Variants in COL4A6 observed in about 807,000 individuals in gnomAD.
COL4A6 encodes the protein collagen alpha-6(IV) chain.
COL4A6 carries 59 observed loss-of-function variants against 126.7 expected under a neutral mutation model. The observed-to-expected ratio is 0.47, with a 90% CI of 0.38 to 0.58. The LOEUF (loss-of-function observed/expected upper bound fraction) is 0.58. Ranked by LOEUF, COL4A6 falls within the 20% of genes least tolerant of loss-of-function variation. The pLI is 0.00. For synonymous variants in COL4A6, 547 were observed against 496.6 expected, an observed-to-expected ratio of 1.10 and a Z score of -1.35; for missense variants, 1,285 against 1,337.3, an observed-to-expected ratio of 0.96 and a Z score of 0.61.
At chrX:108,279,002 C>T (rs1333049433) in intron 3 of COL4A6, among the ~76,000 whole-genome samples, 9 of 111,557 alleles carry the variant, frequency 8.1e-5, no homozygotes, top group East Asian at 2.8e-4. Flanking sequence ...GCACTAAACA[C>T]GGAAAGGAAC....
chrX:108,277,570 C>A (rs1255433408), intron 3 of COL4A6, among the ~76,000 whole-genome samples: 2 of 112,455 alleles, frequency 1.8e-5, no homozygotes, highest in Admixed American at 9.3e-5. Flanking sequence ...AGGGCACAAA[C>A]AAACAAAAAG....
At chrX:108,254,937 A>T (rs1226378192) in intron 3 of COL4A6, among the ~76,000 whole-genome samples, 1 of 109,287 alleles carries the variant, frequency 9.2e-6, no homozygotes, top group Non-Finnish European at 1.9e-5. Context: ...TATTTACTTA[A>T]CCTTATCTGG....
intron 3 of COL4A6, among the ~76,000 whole-genome samples, chrX:108,230,376 G>T (rs1471977247): frequency 1.8e-5 from 2 of 111,965 alleles, no homozygotes; most frequent in African/African-American, 6.5e-5. Context: ...GGAGCAAAAT[G>T]GAATTAAAAG....
In COL4A6 at chrX:108,160,467, G is replaced by A. The variant is rs1258217409; in HGVS notation, c.4521C>T (p.Asp1507=). 8.4e-7 allele frequency: 1 copy of A among 1,196,828 alleles called. No individual in the cohort carries two copies. The highest frequency in any genetic ancestry group is 2.2e-5 in the Admixed American group (1 of 44,675). Residue 1507 remains aspartate (D), a synonymous_variant, in exon 43 of 45, where the codon GAC becomes GAT. Coordinates refer to ENST00000334504, the MANE Select transcript of COL4A6 (RefSeq NM_033641.4). ...GCTGTCAGAGCTGGTACCTACCCAG[G>A]TCCTGGTTGTGGGCTTTCTCTTGCC... ...VEGQEKAHNQ[D]LGFAGSCLPR... is the part of the protein sequence containing the mutation.
At chrX:108,343,498 C>T (rs2148012061) in intron 2 of COL4A6, among the ~76,000 whole-genome samples, 1 of 110,207 alleles carries the variant, frequency 9.1e-6, no homozygotes, top group Admixed American at 9.7e-5. Context: ...ATAAACATTA[C>T]TAAACAAGAA....
intron 3 of COL4A6, among the ~76,000 whole-genome samples, chrX:108,223,625 G>A (rs1438674434): frequency 9.0e-6 from 1 of 111,567 alleles, no homozygotes; most frequent in Non-Finnish European, 1.9e-5. Context: ...CAGAAAAGTC[G>A]AAGTCGTGAT....
chrX:108,221,328 C>G lies in COL4A6; in HGVS notation c.191G>C (p.Gly64Ala), dbSNP rs140068204. 1.9e-4 allele frequency: 231 copies of G among 1,210,199 alleles called. No homozygotes were observed. The highest frequency in any genetic ancestry group is 2.5e-4 in the Non-Finnish European group (223 of 895,130). ...CGATAAACCAGTAGAGCCAGTGAAT[C>G]CTTGAGGACCTGTTGGGCCTTGAAT... ...IGIQGPTGPQ[G>A]FTGSTGLSGL... The change falls in exon 4 of 45, where the codon GGA becomes GCA. Residue 64 changes from glycine (G) to alanine (A), a missense_variant. Coordinates refer to ENST00000334504, the MANE Select transcript of COL4A6 (RefSeq NM_033641.4).
At chrX:108,359,307 G>A (rs1027993559) in intron 2 of COL4A6, among the ~76,000 whole-genome samples, 12 of 112,505 alleles carry the variant, frequency 1.1e-4, no homozygotes, top group African/African-American at 3.9e-4. Context: ...AGGCCACACA[G>A]CTAATCAGTG....
chrX:108,233,424 G>C (rs917968296), intron 3 of COL4A6, among the ~76,000 whole-genome samples: 1 of 111,440 alleles, frequency 9.0e-6, no homozygotes, highest in Non-Finnish European at 1.9e-5. Context: ...TTGGGAGTGA[G>C]AGGTAACTGG....
intron 2 of COL4A6, among the ~76,000 whole-genome samples, chrX:108,330,363 G>T (rs2039267211): frequency 9.0e-6 from 1 of 111,357 alleles, no homozygotes; most frequent in African/African-American, 3.3e-5. Flanking sequence ...TGTCATGCAC[G>T]GCTCTCCAAG....
chrX:108,261,683 T>A (rs1342404090), intron 3 of COL4A6, among the ~76,000 whole-genome samples: 2 of 111,593 alleles, frequency 1.8e-5, no homozygotes, highest in African/African-American at 6.5e-5. Flanking sequence ...CACTTGTATT[T>A]CAGAGAGAAA....
Position 108,169,991 on chromosome X carries a change from A to T in COL4A6, c.3519T>A (p.His1173Gln). 2.5e-6 allele frequency: 3 copies of T among 1,190,707 alleles called. No homozygotes were observed. The highest frequency in any genetic ancestry group is 1.7e-5 in the African/African-American group (1 of 57,308). Residue 1173 changes from histidine (H) to glutamine (Q), a missense_variant, in exon 36 of 45, where the codon CAT (histidine) becomes CAA (glutamine). Transcript: ENST00000334504. ...PKGFPGFPGLHGLNGLPGTKG... is the reference protein window; with the variant it reads ...PKGFPGFPGLQGLNGLPGTKG... ...TGGTGCCCGGAAGCCCATTCAGTCC[A>T]TGTAAACCAGGAAATCCAGGGAAGC...
intron 2 of COL4A6, among the ~76,000 whole-genome samples, chrX:108,336,869 C>T (rs1330608602): frequency 1.8e-5 from 2 of 110,896 alleles, no homozygotes; most frequent in East Asian, 5.7e-4. Context: ...ATTTAACACT[C>T]TGGGCTCATT....
intron 27 of COL4A6, among the ~76,000 whole-genome samples, chrX:108,177,660 G>A (rs1480245157): frequency 1.8e-5 from 2 of 112,307 alleles, no homozygotes; most frequent in Non-Finnish European, 3.8e-5. Context: ...CTGAGCTGCT[G>A]CCAAAGTGGA....
At chrX:108,410,809 C>T (rs1322463691) in intron 2 of COL4A6, among the ~76,000 whole-genome samples, 2 of 111,934 alleles carry the variant, frequency 1.8e-5, no homozygotes, top group African/African-American at 3.2e-5. Flanking sequence ...GTACCCCATA[C>T]TTCCATTTTC....
intron 3 of COL4A6, among the ~76,000 whole-genome samples, chrX:108,261,665 C>T (rs1199433090): frequency 1.8e-5 from 2 of 111,389 alleles, no homozygotes; most frequent in African/African-American, 6.5e-5. Context: ...TCATCATCTC[C>T]CACAACACAC....
At chrX:108,326,344 C>T (rs1603094243) in intron 2 of COL4A6, among the ~76,000 whole-genome samples, 1 of 112,221 alleles carries the variant, frequency 8.9e-6, no homozygotes, top group African/African-American at 3.2e-5. Flanking sequence ...GATGTGCAGT[C>T]GCTTTGCATG....
chrX:108,219,637 T>A, intron 5 of COL4A6, 61 bp downstream of exon 5: 1 of 1,040,422 alleles, frequency 9.6e-7, no homozygotes, highest in Admixed American at 2.2e-5. Flanking sequence ...GGTCAAAGTG[T>A]CCAAAATATG....
intron 3 of COL4A6, among the ~76,000 whole-genome samples, chrX:108,297,852 C>A (rs925484388): frequency 1.9e-5 from 2 of 108,071 alleles, no homozygotes; most frequent in African/African-American, 6.7e-5. Context: ...TGCATGCAGT[C>A]CCTCCCCTCC....
Sources: allele counts gnomAD v4.1 joint callset (sites outside exome capture counted in the v4.1 genomes callset), GRCh38; gene constraint gnomAD v4.1.1; transcripts MANE v1.5; gene names NCBI Gene and HGNC (gene_info 2026-07-23, HGNC 2026-07-21).